The following SDK2 variants were observed in gnomAD, a reference collection of about 807,000 sequenced individuals.
SDK2 encodes the protein protein sidekick-2.
SDK2 carries 105 observed loss-of-function variants against 253.9 expected under a neutral mutation model. That is an observed-to-expected ratio of 0.41 (90% confidence interval 0.35 to 0.49). The LOEUF (loss-of-function observed/expected upper bound fraction) is 0.49, where lower values mean the gene tolerates loss of function less well. Among genes scored for constraint, SDK2 ranks in the 20% least tolerant of loss-of-function variants. SDK2 has a pLI of 0.06. For synonymous variants in SDK2, 1,249 were observed against 1,234.9 expected (o/e 1.01, Z -0.24); for missense variants, 2,608 against 3,003.0 (o/e 0.87, Z 3.07).
At chr17:73,585,712 C>T (rs905623168) in intron 1 of SDK2, among the ~76,000 whole-genome samples, 27 of 152,172 alleles carry the variant, frequency 1.8e-4, no homozygotes, top group African/African-American at 5.8e-4. Context: ...AGCCCCCAAC[C>T]CCACACTGTG....
chr17:73,563,907 G>A (rs2045274117), intron 1 of SDK2, among the ~76,000 whole-genome samples: 1 of 151,840 alleles, frequency 6.6e-6, no homozygotes, highest in Non-Finnish European at 1.5e-5. Context: ...CGAGTAGCAT[G>A]TGCCACCACG....
At chr17:73,446,824 TG>T (rs1338181175) in intron 5 of SDK2, among the ~76,000 whole-genome samples, 8 of 152,278 alleles carry the variant, frequency 5.3e-5, no homozygotes, top group African/African-American at 1.7e-4. Flanking sequence ...GGGCCTACGC[TG>T]CTCCTGGGCT....
At chr17:73,344,143 C>G (rs933531284) in intron 44 of SDK2, among the ~76,000 whole-genome samples, 1 of 152,092 alleles carries the variant, frequency 6.6e-6, no homozygotes, top group Non-Finnish European at 1.5e-5. Context: ...AGAATTGTGC[C>G]CCTGGAGGCA....
intron 44 of SDK2, among the ~76,000 whole-genome samples, chr17:73,346,798 G>C (rs2062488406): frequency 6.6e-6 from 1 of 152,170 alleles, no homozygotes; most frequent in Non-Finnish European, 1.5e-5. Flanking sequence ...ACTCTCCAAA[G>C]ACCTGGGGGA....
In SDK2 at chr17:73,483,705, ATAT is replaced by A. The variant is rs1340701936; in HGVS notation, c.225-11490_225-11488del. On this transcript the variant is annotated intron_variant, in intron 2 of 44. Transcript: ENST00000392650. ...TATTTATATATATATATATATATATATATTTTTTTTTTTTTTTAGTAGAGTTGG... is the reference window on the plus strand; with the variant it reads ...TATTTATATATATATATATATATATATTTTTTTTTTTTTTAGTAGAGTTGG... Among the ~76,000 whole-genome samples the A allele has an allele frequency of 4.1e-3, 234 of 56,608 alleles. 10 individuals are homozygous for A. Among genetic ancestry groups the A allele is most frequent in the African/African-American group, 0.01 (123 of 11,902 alleles). The allele number at this position is 56,608 out of a possible 152,430, so 37.1% of individuals were successfully genotyped here.
At chr17:73,392,503 A>G (rs910243022) in intron 27 of SDK2, among the ~76,000 whole-genome samples, 2 of 152,094 alleles carry the variant, frequency 1.3e-5, no homozygotes. Flanking sequence ...TCCTGACCTC[A>G]AGTGGTCTGC....
intron 29 of SDK2, among the ~76,000 whole-genome samples, chr17:73,389,061 C>T (rs1012806788): frequency 1.3e-5 from 2 of 149,082 alleles, no homozygotes; most frequent in Non-Finnish European, 3.0e-5. Flanking sequence ...GGCTGGAGTG[C>T]AGTGGCACGA....
At chr17:73,398,506 T>G in intron 22 of SDK2, 77 bp from the exon 23 acceptor site, 1 of 1,289,578 alleles carries the variant, frequency 7.8e-7, no homozygotes, top group Admixed American at 1.9e-5. Context: ...GTACAAGCCC[T>G]GCCAGGGAAG....
intron 16 of SDK2, among the ~76,000 whole-genome samples, chr17:73,417,986 G>A (rs1160803460): frequency 2.7e-5 from 4 of 148,588 alleles, no homozygotes; most frequent in African/African-American, 9.9e-5. Context: ...TAAACCTGAA[G>A]ATGCATCAAA....
At chr17:73,555,983 A>T (rs2045137962) in intron 1 of SDK2, among the ~76,000 whole-genome samples, 1 of 152,154 alleles carries the variant, frequency 6.6e-6, no homozygotes, top group Admixed American at 6.5e-5. Context: ...GTGGATGCAC[A>T]GATGGGCTTG....
intron 1 of SDK2, among the ~76,000 whole-genome samples, chr17:73,532,001 A>G (rs1416339674): frequency 1.3e-5 from 2 of 152,084 alleles, no homozygotes; most frequent in African/African-American, 4.8e-5. Flanking sequence ...GTGCATTACA[A>G]TGATCTCTAT....
At chr17:73,394,107 T>C in intron 26 of SDK2, 102 bp downstream of exon 26, 4 of 659,026 alleles carry the variant, frequency 6.1e-6, no homozygotes, top group Non-Finnish European at 9.5e-6. Flanking sequence ...GTATCCACTC[T>C]AGGAGGCAGA....
At chr17:73,632,102 C>T (rs1025037213) in intron 1 of SDK2, among the ~76,000 whole-genome samples, 2 of 152,250 alleles carry the variant, frequency 1.3e-5, no homozygotes, top group Non-Finnish European at 2.9e-5. Flanking sequence ...TCACTCCCAC[C>T]ACCCTTAAGG....
At chr17:73,346,119 T>C (rs1292901211) in intron 44 of SDK2, among the ~76,000 whole-genome samples, 2 of 151,776 alleles carry the variant, frequency 1.3e-5, no homozygotes, top group African/African-American at 2.4e-5. Context: ...GGCAGGAGAA[T>C]TGTTTGAACC....
At chr17:73,590,531 C>T (rs2045666428) in intron 1 of SDK2, among the ~76,000 whole-genome samples, 1 of 152,242 alleles carries the variant, frequency 6.6e-6, no homozygotes, top group Admixed American at 6.5e-5. Context: ...TAACAGGGCA[C>T]ACCTGGGGAA....
chr17:73,421,524 C>G (rs371906064), intron 15 of SDK2, among the ~76,000 whole-genome samples: 1 of 150,730 alleles, frequency 6.6e-6, no homozygotes, highest in African/African-American at 2.4e-5. Flanking sequence ...TGGGTATCAC[C>G]GTGTGATGTT....
At chr17:73,473,786 AG>A in intron 2 of SDK2, among the ~76,000 whole-genome samples, 1 of 152,362 alleles carries the variant, frequency 6.6e-6, no homozygotes, top group Middle Eastern at 3.4e-3. Context: ...GACCAACATG[AG>A]ACTGTGAACT....
intron 2 of SDK2, among the ~76,000 whole-genome samples, chr17:73,495,248 G>C (rs983683563): frequency 2.0e-5 from 3 of 152,252 alleles, no homozygotes; most frequent in African/African-American, 7.2e-5. Flanking sequence ...CCAGCTGGGA[G>C]AGTCCAGGGG....
In SDK2 at chr17:73,465,198, G is replaced by A. The variant is rs960226464; in HGVS notation, c.331+6914C>T. 5.3e-5 allele frequency among the ~76,000 whole-genome samples: 8 copies of A among 151,700 alleles called. 1 individual carries two copies. In the East Asian group the frequency reaches 5.9e-4, roughly 11 times the overall value. On this transcript the variant is annotated intron_variant, in intron 3 of 44. Coordinates refer to ENST00000392650, the MANE Select transcript of SDK2 (RefSeq NM_001144952.2). This position sits in a 1 kb window ranked among gnomAD's most constrained non-coding sequence, Gnocchi z 4.2. ...GATTACTCCTAACCCACATGACAGC[G>A]GGCTTGTTCCCCTCCAATTGTCTTT...
Sources: allele counts gnomAD v4.1 joint callset (sites outside exome capture counted in the v4.1 genomes callset), GRCh38; gene constraint gnomAD v4.1.1; non-coding constraint Gnocchi (gnomAD v3.1); transcripts MANE v1.5; gene names NCBI Gene and HGNC (gene_info 2026-07-23, HGNC 2026-07-21).